NIBAN1: variants seen among roughly 807,000 people sequenced by gnomAD.
The protein encoded by NIBAN1 is protein Niban 1.
A neutral mutation model predicts 75.1 loss-of-function variants in NIBAN1; 81 were observed. The observed-to-expected ratio is 1.08, with a 90% confidence interval of 0.90 to 1.30. NIBAN1 has a LOEUF of 1.30. Among genes scored for constraint, NIBAN1 ranks in the 50% most tolerant of loss-of-function variants. NIBAN1 has a pLI of 0.00. For synonymous variants in NIBAN1, 436 were observed against 424.8 expected (o/e 1.03, Z -0.32); for missense variants, 1,133 against 1,128.1 (o/e 1.00, Z -0.06).
intron 5 of NIBAN1, among the ~76,000 whole-genome samples, chr1:184,864,182 A>C (rs1655888587): frequency 6.6e-6 from 1 of 152,146 alleles, no homozygotes; most frequent in Non-Finnish European, 1.5e-5. Flanking sequence ...AGCTATCTAA[A>C]TCTTGGTTTC....
intron 1 of NIBAN1, among the ~76,000 whole-genome samples, chr1:184,930,710 T>C (rs1450477549): frequency 2.0e-5 from 3 of 152,354 alleles, no homozygotes; most frequent in South Asian, 4.1e-4. Context: ...CGCTTCTATA[T>C]ATAATCATAC....
At chr1:184,894,001 G>A in intron 3 of NIBAN1, 74 bp downstream of exon 3, 1 of 1,450,328 alleles carries the variant, frequency 6.9e-7, no homozygotes, top group Non-Finnish European at 9.2e-7. Flanking sequence ...GTAGGAAGGA[G>A]AGGGCACACC....
intron 5 of NIBAN1, among the ~76,000 whole-genome samples, chr1:184,836,555 T>C (rs562375617): frequency 6.6e-6 from 1 of 152,132 alleles, no homozygotes; most frequent in Non-Finnish European, 1.5e-5. Flanking sequence ...AAAAAGTAAC[T>C]GAAGAAATGG....
rs758000283 is a variant in NIBAN1, at chr1:184,792,824, G to A, written c.*2153C>T. On this transcript the variant is annotated 3_prime_UTR_variant, in exon 14 of 14. Transcript: ENST00000367511. ...CAGGAAGCCATTATTCAAGGCTGTG[G>A]GTTTCTAGCAGGAAGCACAAATGAT... The A allele has an allele frequency of 6.6e-6, 1 of 152,304 alleles. No individual in the cohort carries two copies. Among genetic ancestry groups the A allele is most frequent in the Admixed American group, 6.5e-5 (1 of 15,278 alleles). The allele number at this position is 152,304 out of a possible 1,614,324, so 9.4% of individuals were successfully genotyped here.
intron 1 of NIBAN1, among the ~76,000 whole-genome samples, chr1:184,936,848 C>G (rs552373370): frequency 1.3e-5 from 2 of 152,130 alleles, no homozygotes; most frequent in African/African-American, 2.4e-5. Context: ...TTTACAAGTT[C>G]CAGGGATTAG....
intron 1 of NIBAN1, among the ~76,000 whole-genome samples, chr1:184,917,368 A>ATTTTT (rs1168037153): frequency 3.6e-4 from 32 of 89,096 alleles, no homozygotes; most frequent in African/African-American, 1.3e-3. Context: ...CGCCCGGCTA[A>ATTTTT]TTTTTTTTTT....
chr1:184,914,240 T>G (rs546211727), intron 1 of NIBAN1, among the ~76,000 whole-genome samples: 3 of 152,358 alleles, frequency 2.0e-5, no homozygotes, highest in African/African-American at 4.8e-5. Flanking sequence ...AGTCACTTTT[T>G]CTCTAGAAAA....
intron 12 of NIBAN1, among the ~76,000 whole-genome samples, chr1:184,801,519 G>A (rs909399859): frequency 5.3e-5 from 8 of 152,094 alleles, no homozygotes; most frequent in Non-Finnish European, 7.4e-5. Flanking sequence ...TCCTTCCCAC[G>A]TGGTCCCCCA....
chr1:184,945,135 T>C (rs1658189616), intron 1 of NIBAN1, among the ~76,000 whole-genome samples: 1 of 152,224 alleles, frequency 6.6e-6, no homozygotes, highest in African/African-American at 2.4e-5. Flanking sequence ...CTACTGCGTT[T>C]GATTGGAGAC....
chr1:184,963,497 C>A (rs753671408), intron 1 of NIBAN1, among the ~76,000 whole-genome samples: 1 of 152,088 alleles, frequency 6.6e-6, no homozygotes, highest in East Asian at 1.9e-4. Flanking sequence ...GCAGATAATA[C>A]ATGCACACAA....
intron 1 of NIBAN1, among the ~76,000 whole-genome samples, chr1:184,967,092 C>T (rs1022781801): frequency 1.3e-5 from 2 of 152,146 alleles, no homozygotes; most frequent in East Asian, 1.9e-4. Flanking sequence ...CATGCATTTT[C>T]GCATTGGCAG....
intron 6 of NIBAN1, among the ~76,000 whole-genome samples, 177 bp from the exon 7 acceptor site, chr1:184,823,919 A>T (rs1224835674): frequency 2.0e-5 from 3 of 152,226 alleles, no homozygotes; most frequent in Admixed American, 6.5e-5. Context: ...ACAATCTTAG[A>T]GGCTGAACAT....
intron 1 of NIBAN1, among the ~76,000 whole-genome samples, chr1:184,918,808 G>A (rs986811096): frequency 4.6e-5 from 7 of 152,222 alleles, no homozygotes; most frequent in African/African-American, 1.7e-4. Flanking sequence ...CTCATTGAAA[G>A]TGCATTGCTC....
chr1:184,853,434 A>G (rs534707269), intron 5 of NIBAN1, among the ~76,000 whole-genome samples: 125 of 152,318 alleles, frequency 8.2e-4, no homozygotes, highest in African/African-American at 2.8e-3. Flanking sequence ...AAAACTTCAT[A>G]TTTGCTTCTG....
In NIBAN1 at chr1:184,795,711, C is replaced by T. The variant is rs1653837981; in HGVS notation, c.2053G>A (p.Glu685Lys). 6.2e-7 allele frequency: 1 copy of T among 1,613,892 alleles called. No individual in the cohort carries two copies. Among genetic ancestry groups the T allele is most frequent in the East Asian group, 2.2e-5 (1 of 44,882 alleles). Residue 685 changes from glutamate to lysine, a missense_variant, in exon 14 of 14, where the codon GAG (glutamate) becomes AAG (lysine). Coordinates refer to ENST00000367511, the MANE Select transcript of NIBAN1 (RefSeq NM_052966.4). ...GLPGTCSSEL[E>K]FGGTLEDEEP... ...TCATCCTCAAGGGTCCCTCCAAACTCCAGCTCTGATGAGCATGTGCCCGGG... is the reference window on the plus strand; with the variant it reads ...TCATCCTCAAGGGTCCCTCCAAACTTCAGCTCTGATGAGCATGTGCCCGGG...
intron 5 of NIBAN1, among the ~76,000 whole-genome samples, chr1:184,869,703 G>A (rs773393688): frequency 9.9e-5 from 15 of 151,966 alleles, no homozygotes; most frequent in South Asian, 8.3e-4. Context: ...CACCATGCCC[G>A]GCTAATTTTT....
intron 1 of NIBAN1, among the ~76,000 whole-genome samples, chr1:184,955,920 T>C (rs1489875132): frequency 1.3e-5 from 2 of 152,142 alleles, no homozygotes; most frequent in Admixed American, 1.3e-4. Flanking sequence ...TCCTCCACTG[T>C]CTATCTGCCC....
Position 184,794,284 on chromosome 1 carries a change from A to G in NIBAN1, c.*693T>C, listed in dbSNP as rs1653775520. ...AATAAAATTTTCTTGCCTCATCTGA[A>G]TTTCCTGCAAATGTGATTAATTAAT... On this transcript the variant is annotated 3_prime_UTR_variant, in exon 14 of 14. Coordinates refer to ENST00000367511, the MANE Select transcript of NIBAN1 (RefSeq NM_052966.4). 6.5e-6 allele frequency: 1 copy of G among 153,230 alleles called. No homozygotes were observed. The highest frequency in any genetic ancestry group is 1.9e-4 in the East Asian group (1 of 5,214). 9.5% of individuals were successfully genotyped at this position (153,230 alleles called of 1,614,324 possible).
intron 6 of NIBAN1, among the ~76,000 whole-genome samples, chr1:184,826,304 G>T (rs747435777): frequency 7.2e-5 from 11 of 152,228 alleles, no homozygotes; most frequent in Admixed American, 3.3e-4. Flanking sequence ...TCTGGGGGCA[G>T]TCAAGAGATG....
Sources: allele counts gnomAD v4.1 joint callset (sites outside exome capture counted in the v4.1 genomes callset), GRCh38; gene constraint gnomAD v4.1.1; transcripts MANE v1.5; gene names NCBI Gene and HGNC (gene_info 2026-07-23, HGNC 2026-07-21).